Variants in ERBB4 observed in about 807,000 individuals in gnomAD.
ERBB4 encodes the protein receptor tyrosine-protein kinase erbB-4.
Under a neutral mutation model 158.0 loss-of-function variants are expected in ERBB4, and 42 were observed. The observed-to-expected ratio is 0.27, with a 90% CI of 0.21 to 0.34. The LOEUF (loss-of-function observed/expected upper bound fraction) is 0.34. Ranked by LOEUF, ERBB4 falls within the 10% of genes least tolerant of loss-of-function variation. The probability of loss-of-function intolerance (pLI) is 1.00; values close to 1 mark genes in which losing one functional copy is unlikely to be tolerated. For missense variants in ERBB4, 1,333 were observed against 1,624.1 expected (o/e 0.82, Z 3.08); for synonymous variants, 583 against 558.7 (o/e 1.04, Z -0.61).
At chr2:211,608,687 A>G (rs1363781795) in intron 19 of ERBB4, among the ~76,000 whole-genome samples, 1 of 152,168 alleles carries the variant, frequency 6.6e-6, no homozygotes, top group African/African-American at 2.4e-5. Flanking sequence ...AAGGAATGCT[A>G]GGCTGATCCT....
chr2:211,620,219 A>T (rs7564960), intron 18 of ERBB4, among the ~76,000 whole-genome samples: 179 of 152,270 alleles, frequency 1.2e-3, no homozygotes, highest in African/African-American at 3.9e-3. Context: ...TGAGGACAAA[A>T]ACCGAAAAAT....
rs147902674 is a variant in ERBB4, at chr2:211,961,483, G to T, written c.235-13867C>A. 2.0e-3 allele frequency among the ~76,000 whole-genome samples: 302 copies of T among 152,244 alleles called. 1 individual carries two copies. Among genetic ancestry groups the T allele is most frequent in the Middle Eastern group, 0.01 (3 of 294 alleles). On this transcript the variant is annotated intron_variant, in intron 2 of 27. Coordinates refer to ENST00000342788, the MANE Select transcript of ERBB4 (RefSeq NM_005235.3). ...CAATGGGAACCCATGTAAACATGAA[G>T]CTCATGCTGACTGCTGTGCCATTGA...
At chr2:212,525,358 A>C (rs1692393161) in intron 1 of ERBB4, among the ~76,000 whole-genome samples, 1 of 152,048 alleles carries the variant, frequency 6.6e-6, no homozygotes, top group African/African-American at 2.4e-5. Context: ...TAATCAACAG[A>C]GAAGCTATCT....
intron 1 of ERBB4, among the ~76,000 whole-genome samples, chr2:212,458,213 A>AT (rs1278455710): frequency 6.6e-6 from 1 of 151,120 alleles, no homozygotes; most frequent in Non-Finnish European, 1.5e-5. Flanking sequence ...AATGATTACG[A>AT]CAAAAAACTG....
intron 3 of ERBB4, among the ~76,000 whole-genome samples, chr2:211,864,266 G>T (rs572506548): frequency 1.6e-4 from 25 of 152,102 alleles, no homozygotes; most frequent in Admixed American, 7.9e-4. Context: ...CTTGGCATCT[G>T]GCCCTTAATC....
At chr2:212,473,909 T>C (rs771352970) in intron 1 of ERBB4, among the ~76,000 whole-genome samples, 2 of 152,166 alleles carry the variant, frequency 1.3e-5, no homozygotes, top group African/African-American at 2.4e-5. Context: ...TTAACCATTA[T>C]ATGTTTTAAT....
rs779414488 is a variant in ERBB4, at chr2:211,753,837, TA to T, written c.557-3134del. Among the ~76,000 whole-genome samples, 20 of 148,426 alleles carry T rather than the reference TA, an allele frequency of 1.3e-4. 1 individual carries two copies. The highest frequency in any genetic ancestry group is 1.8e-4 in the Non-Finnish European group (12 of 67,246). The stretch of plus-strand genomic sequence containing the variant: ...CTGCCCTCTCTTCTCAGGCATGCAC[TA>T]ACCTCAAAAGTCCTGATTTTTTTTT... On this transcript the variant is annotated intron_variant, in intron 4 of 27. Transcript: ENST00000342788.
In ERBB4 at chr2:211,678,745, T is replaced by A. The variant is rs374944395; in HGVS notation, c.1622+307A>T. On this transcript the variant is annotated intron_variant, in intron 13 of 27. Coordinates refer to ENST00000342788, the MANE Select transcript of ERBB4 (RefSeq NM_005235.3). Reference sequence around the variant, plus strand: ...ACTTTGGGAGGCCAAGGCAGGCGGATCACTAGGTTAGGAGTTCGAGACCAT... The same window carrying A: ...ACTTTGGGAGGCCAAGGCAGGCGGAACACTAGGTTAGGAGTTCGAGACCAT... Among the ~76,000 whole-genome samples, 22 of 152,090 alleles carry A rather than the reference T, an allele frequency of 1.4e-4. No individual in the cohort carries two copies. In the South Asian group the frequency reaches 4.6e-3, roughly 32 times the overall value.
At chr2:212,015,117 T>C (rs1223862300) in intron 2 of ERBB4, among the ~76,000 whole-genome samples, 1 of 116,812 alleles carries the variant, frequency 8.6e-6, no homozygotes, top group African/African-American at 3.5e-5. Flanking sequence ...TATATAAAAA[T>C]TAGCCGGGCA....
At chr2:212,256,972 T>A (rs987409511) in intron 1 of ERBB4, among the ~76,000 whole-genome samples, 16 of 152,140 alleles carry the variant, frequency 1.1e-4, no homozygotes, top group African/African-American at 3.6e-4. Context: ...GTTACATGGA[T>A]GTATTGCATG....
intron 1 of ERBB4, among the ~76,000 whole-genome samples, chr2:212,191,831 T>TTA (rs1166532686): frequency 7.2e-6 from 1 of 138,900 alleles, no homozygotes; most frequent in Non-Finnish European, 1.6e-5. Flanking sequence ...ATGTTCTATG[T>TTA]TATATATAAT....
At chr2:212,510,205 G>GTATATATATATATATATATATATATA (rs10556403) in intron 1 of ERBB4, among the ~76,000 whole-genome samples, 47 of 130,426 alleles carry the variant, frequency 3.6e-4, no homozygotes, top group African/African-American at 1.0e-3. Flanking sequence ...TAACCACACA[G>GTATATATATATATATATATATATATA]TATATATATA....
chr2:211,418,375 T>C (rs2063440443), intron 25 of ERBB4, among the ~76,000 whole-genome samples: 1 of 152,148 alleles, frequency 6.6e-6, no homozygotes, highest in Admixed American at 6.5e-5. Context: ...TAAAGCTTTT[T>C]AAATGCCTGA....
intron 2 of ERBB4, among the ~76,000 whole-genome samples, chr2:212,051,293 T>C (rs2077391371): frequency 6.6e-6 from 1 of 152,166 alleles, no homozygotes; most frequent in Non-Finnish European, 1.5e-5. Context: ...AAATACTCTT[T>C]AAGTAATTCT....
At chr2:211,490,029 A>G (rs1162157595) in intron 20 of ERBB4, among the ~76,000 whole-genome samples, 1 of 152,054 alleles carries the variant, frequency 6.6e-6, no homozygotes, top group African/African-American at 2.4e-5. Context: ...TTAAGAGGTG[A>G]TTAGGCCATG....
At position 211,947,335 on chromosome 2, in the gene ERBB4, T is replaced by C. The variant is rs839540; in HGVS notation, c.421+95A>G. 261,473 of 985,742 alleles carry C rather than the reference T, an allele frequency of 0.27. 37,683 individuals are homozygous for C. Among genetic ancestry groups the C allele is most frequent in the South Asian group, 0.41 (30,956 of 74,880 alleles). The allele number at this position is 985,742 out of a possible 1,614,324, so 61.1% of individuals were successfully genotyped here. A position where few individuals can be genotyped will look rare whatever the true frequency, so the allele number is the denominator to read the frequency against. On this transcript the variant is annotated intron_variant, in intron 3 of 27. Transcript: ENST00000342788. ...ACTGATATTTAAATGCCTTAGAGTGTTCCTCAATGTAACAAATATGACAGT... is the reference window on the plus strand; with the variant it reads ...ACTGATATTTAAATGCCTTAGAGTGCTCCTCAATGTAACAAATATGACAGT...
At chr2:211,990,860 T>C (rs1192657361) in intron 2 of ERBB4, among the ~76,000 whole-genome samples, 1 of 151,962 alleles carries the variant, frequency 6.6e-6, no homozygotes, top group South Asian at 2.1e-4. Flanking sequence ...CAAGTTTAGA[T>C]TTCTTATGTG....
chr2:212,435,659 A>C (rs1329770966), intron 1 of ERBB4, among the ~76,000 whole-genome samples: 1 of 152,046 alleles, frequency 6.6e-6, no homozygotes, highest in Middle Eastern at 3.4e-3. Flanking sequence ...TCATGCACAC[A>C]CGAAATCCCA....
chr2:212,028,609 G>T (rs1213445532), intron 2 of ERBB4, among the ~76,000 whole-genome samples: 1 of 152,070 alleles, frequency 6.6e-6, no homozygotes, highest in Non-Finnish European at 1.5e-5. Flanking sequence ...CCACTAAAAA[G>T]CTAACAGACT....
Sources: allele counts gnomAD v4.1 joint callset (sites outside exome capture counted in the v4.1 genomes callset), GRCh38; gene constraint gnomAD v4.1.1; transcripts MANE v1.5; gene names NCBI Gene and HGNC (gene_info 2026-07-23, HGNC 2026-07-21).